Variants in DAB1 observed in about 807,000 individuals in gnomAD.
The protein encoded by DAB1 is disabled homolog 1.
A neutral mutation model predicts 64.6 loss-of-function variants in DAB1; 15 were observed. The observed-to-expected ratio is 0.23, with a 90% CI of 0.16 to 0.36. DAB1 has a LOEUF of 0.36. Ranked by LOEUF, DAB1 falls within the 10% of genes least tolerant of loss-of-function variation. The probability of loss-of-function intolerance (pLI) is 1.00; values close to 1 mark genes in which losing one functional copy is unlikely to be tolerated. For missense variants in DAB1, 596 were observed against 706.7 expected, an observed-to-expected ratio of 0.84 and a Z score of 1.78; for synonymous variants, 235 against 251.9, an observed-to-expected ratio of 0.93 and a Z score of 0.64.
At chr1:57,536,513 C>G (rs1446881670) in intron 7 of DAB1, among the ~76,000 whole-genome samples, 1 of 152,022 alleles carries the variant, frequency 6.6e-6, no homozygotes, top group East Asian at 1.9e-4. Flanking sequence ...TGCTCTGGTT[C>G]CCAACAAAAA....
chr1:58,345,225 C>T (rs768396734), intron 3 of DAB1, among the ~76,000 whole-genome samples: 6 of 152,168 alleles, frequency 3.9e-5, no homozygotes, highest in East Asian at 1.9e-4. Context: ...AGTCTCATTT[C>T]GCCACTTCTT....
chr1:57,355,891 C>G (rs1679060354), intron 1 of DAB1, among the ~76,000 whole-genome samples: 1 of 39,466 alleles, frequency 2.5e-5, no homozygotes, highest in Non-Finnish European at 6.5e-5. Context: ...CACACACACA[C>G]ACACACACAC....
At chr1:58,246,317 T>C (rs1660526160) in intron 4 of DAB1, among the ~76,000 whole-genome samples, 2 of 152,126 alleles carry the variant, frequency 1.3e-5, no homozygotes, top group Admixed American at 1.3e-4. Flanking sequence ...TTCACTCTAG[T>C]GGGAGAGATG....
intron 6 of DAB1, among the ~76,000 whole-genome samples, chr1:57,661,853 G>A (rs1042875711): frequency 6.6e-6 from 1 of 152,094 alleles, no homozygotes; most frequent in Middle Eastern, 3.2e-3. Flanking sequence ...GGTGGGACCT[G>A]CAGTTAGTAG....
intron 5 of DAB1, among the ~76,000 whole-genome samples, chr1:58,044,922 C>T (rs1488345770): frequency 1.3e-5 from 2 of 152,026 alleles, no homozygotes; most frequent in African/African-American, 4.8e-5. Context: ...GAGAAAACCA[C>T]GATTCATAGA....
At chr1:57,558,367 CCT>C (rs1239092051) in intron 7 of DAB1, among the ~76,000 whole-genome samples, 1 of 152,140 alleles carries the variant, frequency 6.6e-6, no homozygotes, top group South Asian at 2.1e-4. Context: ...CCACAACATC[CCT>C]GTTTGCTTCC....
At chr1:57,492,935 T>C (rs1644182439) in intron 7 of DAB1, among the ~76,000 whole-genome samples, 2 of 152,134 alleles carry the variant, frequency 1.3e-5, no homozygotes, top group Admixed American at 1.3e-4. Context: ...TTCAGGCATC[T>C]GCAGCACATT....
intron 4 of DAB1, among the ~76,000 whole-genome samples, chr1:58,323,266 T>TAAA (rs1212346673): frequency 1.5e-4 from 20 of 132,882 alleles, no homozygotes; most frequent in African/African-American, 5.6e-4. Flanking sequence ...ATAATAATAA[T>TAAA]AAAATATTCA....
At chr1:57,403,732 C>T (rs779561854) in intron 1 of DAB1, among the ~76,000 whole-genome samples, 1 of 152,190 alleles carries the variant, frequency 6.6e-6, no homozygotes, top group Non-Finnish European at 1.5e-5. Context: ...TCCCAGCCTA[C>T]GTTCACTCTA....
intron 6 of DAB1, among the ~76,000 whole-genome samples, chr1:57,686,873 G>C (rs763291304): frequency 6.6e-6 from 1 of 152,120 alleles, no homozygotes; most frequent in Non-Finnish European, 1.5e-5. Flanking sequence ...GCCTTCAACA[G>C]ATGAGGCATC....
intron 4 of DAB1, among the ~76,000 whole-genome samples, chr1:58,319,759 G>A (rs537844221): frequency 7.2e-5 from 11 of 152,316 alleles, no homozygotes; most frequent in African/African-American, 1.9e-4. Flanking sequence ...AAGTATAGTG[G>A]CTGCCATGGT....
intron 4 of DAB1, among the ~76,000 whole-genome samples, chr1:57,104,862 G>A (rs1655000451): frequency 6.6e-6 from 1 of 152,126 alleles, no homozygotes; most frequent in Non-Finnish European, 1.5e-5. Flanking sequence ...CAAGATTTGG[G>A]AGCTGGGACT....
intron 4 of DAB1, among the ~76,000 whole-genome samples, chr1:58,181,764 ATATGT>A (rs369939992): frequency 2.6e-5 from 4 of 151,048 alleles, no homozygotes; most frequent in African/African-American, 9.9e-5. Flanking sequence ...ATACATCATT[ATATGT>A]TATAAGCCCA....
intron 7 of DAB1, among the ~76,000 whole-genome samples, chr1:57,620,999 GTGTT>G (rs916263535): frequency 2.0e-5 from 3 of 152,076 alleles, no homozygotes; most frequent in African/African-American, 7.2e-5. Flanking sequence ...GTGTGTGTGT[GTGTT>G]TGTGTCTGGG....
chr1:57,088,361 G>A lies in DAB1; in HGVS notation c.307-15947C>T, dbSNP rs556274634. Among the ~76,000 whole-genome samples the A allele has an allele frequency of 3.9e-4, 60 of 152,302 alleles. 1 individual carries two copies. The highest frequency in any genetic ancestry group is 5.9e-5 in the Non-Finnish European group (4 of 68,026). On this transcript the variant is annotated intron_variant, in intron 4 of 14. Coordinates refer to ENST00000371236, the MANE Select transcript of DAB1 (RefSeq NM_001365792.1). ...GTCGGGATTACAGGCGTGAGCCAGT[G>A]AGCCTGGCCCCACTAACACTGAGTT...
At chr1:58,322,434 T>C (rs541784521) in intron 4 of DAB1, among the ~76,000 whole-genome samples, 1 of 152,260 alleles carries the variant, frequency 6.6e-6, no homozygotes, top group East Asian at 1.9e-4. Context: ...GCAAAGGATA[T>C]GAACAGACAC....
At chr1:58,518,106 A>C (rs547614123) in intron 2 of DAB1, among the ~76,000 whole-genome samples, 2 of 150,524 alleles carry the variant, frequency 1.3e-5, no homozygotes, top group South Asian at 2.1e-4. Flanking sequence ...GAATCGCTTG[A>C]ACACAGGAGG....
At chr1:58,490,795 CTTTTTTTTTTTTTTTTTT>C (rs148145860) in intron 3 of DAB1, among the ~76,000 whole-genome samples, 1 of 59,244 alleles carries the variant, frequency 1.7e-5, no homozygotes, top group Non-Finnish European at 3.0e-5. Context: ...AGTCAACATT[CTTTTTTTTTTTTTTTTTT>C]TTTTTTTTTT....
At chr1:58,231,423 T>C (rs1373390029) in intron 4 of DAB1, among the ~76,000 whole-genome samples, 1 of 152,162 alleles carries the variant, frequency 6.6e-6, no homozygotes, top group East Asian at 1.9e-4. Flanking sequence ...AACATGCAAA[T>C]GGGCGAACCA....
Sources: gnomAD v4.1 joint callset for allele counts (sites outside exome capture counted in the v4.1 genomes callset) on GRCh38, gnomAD v4.1.1 for gene constraint, MANE v1.5 for transcripts, NCBI Gene and HGNC (gene_info 2026-07-23, HGNC 2026-07-21) for gene names.